Variants in WNT8B observed in about 807,000 individuals in gnomAD.
WNT8B encodes protein Wnt-8b.
WNT8B carries 24 observed loss-of-function variants against 36.6 expected under a neutral mutation model. That is an observed-to-expected ratio of 0.66 (90% CI 0.48 to 0.92). The LOEUF is 0.92. Among genes scored for constraint, WNT8B ranks in the 40% least tolerant of loss-of-function variants. The pLI is 0.00. For synonymous variants in WNT8B, 199 were observed against 189.8 expected (o/e 1.05, Z -0.40); for missense variants, 402 against 470.8 (o/e 0.85, Z 1.35).
Position 100,479,930 on chromosome 10 carries a change from A to T in WNT8B, c.159A>T (p.Glu53Asp). 1 of 1,613,998 alleles carries T rather than the reference A, an allele frequency of 6.2e-7. No homozygotes were observed. Among genetic ancestry groups the T allele is most frequent in the Non-Finnish European group, 8.5e-7 (1 of 1,179,940 alleles). ...VAAGAQSGIE[E>D]CKYQFAWDRW... ...CTGGTGCCCAGAGTGGTATTGAAGAATGCAAGTATCAGTTTGCCTGGGACC... is the reference window on the plus strand; with the variant it reads ...CTGGTGCCCAGAGTGGTATTGAAGATTGCAAGTATCAGTTTGCCTGGGACC... Residue 53 changes from glutamate (E) to aspartate (D), a missense_variant, in exon 3 of 6, where the codon GAA (glutamate) becomes GAT (aspartate). Glu to Asp is a conservative substitution (Grantham distance 45, BLOSUM62 2). Coordinates refer to ENST00000343737, the MANE Select transcript of WNT8B (RefSeq NM_003393.4).
chr10:100,482,881 T>G lies in WNT8B; in HGVS notation c.*65T>G, dbSNP rs1294019607. 2 of 1,425,418 alleles carry G rather than the reference T, an allele frequency of 1.4e-6. No individual in the cohort carries two copies. Among genetic ancestry groups the G allele is most frequent in the East Asian group, 2.6e-5 (1 of 38,418 alleles). 88.3% of individuals were successfully genotyped at this position (1,425,418 alleles called of 1,614,324 possible). A position where few individuals can be genotyped will look rare whatever the true frequency, so the allele number is the denominator to read the frequency against. On this transcript the variant is annotated 3_prime_UTR_variant, in exon 6 of 6. Coordinates refer to ENST00000343737, the MANE Select transcript of WNT8B (RefSeq NM_003393.4). The surrounding 1 kb of genome is among the most constrained non-coding windows in gnomAD (Gnocchi z 6.6). ...CTTCCTTTAGAGACCCCGGTAATTG[T>G]GGAACCTAGGGAATGGGGAACCCGC... is the stretch of plus-strand genomic sequence containing the variant.
intron 1 of WNT8B, among the ~76,000 whole-genome samples, chr10:100,472,999 C>T (rs1271345009): frequency 6.6e-6 from 1 of 152,188 alleles, no homozygotes; most frequent in Non-Finnish European, 1.5e-5. Context: ...TCTTTTTCTC[C>T]TTACATTTTC....
Position 100,482,440 on chromosome 10 carries a change from G to A in WNT8B, c.680G>A (p.Ser227Asn). The A allele has an allele frequency of 3.1e-6, 5 of 1,605,862 alleles. No homozygotes were observed. Among genetic ancestry groups the A allele is most frequent in the Non-Finnish European group, 4.2e-6 (5 of 1,179,874 alleles). Reference protein sequence around the residue: ...KVDLLQGAGNSAAGRGAIADT... With the variant: ...KVDLLQGAGNNAAGRGAIADT... Reference sequence around the variant, plus strand: ...GACCTGCTGCAGGGTGCTGGCAACAGCGCGGCCGGCCGCGGCGCCATCGCC... The same window carrying A: ...GACCTGCTGCAGGGTGCTGGCAACAACGCGGCCGGCCGCGGCGCCATCGCC... Residue 227 changes from serine to asparagine, a missense_variant, in exon 6 of 6, where the codon AGC becomes AAC. By Grantham distance (46) the Ser-to-Asn change is conservative. Transcript: ENST00000343737. The surrounding 1 kb of genome is among the most constrained non-coding windows in gnomAD (Gnocchi z 6.6).
At chr10:100,481,851 C>A in intron 4 of WNT8B, 61 bp from the exon 5 acceptor site, 2 of 1,598,150 alleles carry the variant, frequency 1.3e-6, no homozygotes, top group Non-Finnish European at 8.5e-7. Context: ...TTAGAAACAG[C>A]AGCCCAGGAG....
At position 100,482,732 on chromosome 10, in the gene WNT8B, C is replaced by A. The variant is rs1343385909; in HGVS notation, c.972C>A (p.Cys324Ter). ...HWCCAVRCEQCRRRVTKYFCS... is the reference protein window; with the variant it reads ...HWCCAVRCEQ ...GCTGCGCAGTCCGCTGCGAGCAGTG[C>A]CGCCGGAGGGTCACCAAGTACTTCT... Residue 324 changes from cysteine to a stop codon, truncating the protein, a stop_gained, in exon 6 of 6, where the codon TGC becomes TGA. Transcript: ENST00000343737. LOFTEE classifies it high-confidence loss of function. This position sits in a 1 kb window ranked among gnomAD's most constrained non-coding sequence, Gnocchi z 6.6. The A allele has an allele frequency of 1.2e-6, 2 of 1,606,442 alleles. No homozygotes were observed. The highest frequency in any genetic ancestry group is 1.7e-5 in the Admixed American group (1 of 59,522).
At chr10:100,465,366 CATG>C (rs2133648569) in intron 1 of WNT8B, among the ~76,000 whole-genome samples, 1 of 152,162 alleles carries the variant, frequency 6.6e-6, no homozygotes, top group East Asian at 1.9e-4. Context: ...AATGAGAATG[CATG>C]ATAAGCCAAG....
chr10:100,473,780 G>A (rs1379083122), intron 1 of WNT8B, among the ~76,000 whole-genome samples: 1 of 152,188 alleles, frequency 6.6e-6, no homozygotes, highest in African/African-American at 2.4e-5. Flanking sequence ...ACAAACATTA[G>A]CTGGACATGG....
At chr10:100,476,779 T>C (rs1157840988) in intron 1 of WNT8B, among the ~76,000 whole-genome samples, 2 of 152,156 alleles carry the variant, frequency 1.3e-5, no homozygotes, top group African/African-American at 4.8e-5. Context: ...AATTATGGAG[T>C]TGCAAGACAT....
chr10:100,470,943 G>A (rs755517647), intron 1 of WNT8B, among the ~76,000 whole-genome samples: 2 of 152,078 alleles, frequency 1.3e-5, no homozygotes, highest in East Asian at 1.9e-4. Context: ...GGGTTTCACC[G>A]TGTTAGCCAG....
intron 1 of WNT8B, among the ~76,000 whole-genome samples, chr10:100,476,797 G>A (rs1018656134): frequency 1.3e-5 from 2 of 152,116 alleles, no homozygotes; most frequent in African/African-American, 4.8e-5. Flanking sequence ...CATGTACAGG[G>A]AAGAAACGTA....
chr10:100,465,895 T>G (rs1850902910), intron 1 of WNT8B, among the ~76,000 whole-genome samples: 1 of 152,152 alleles, frequency 6.6e-6, no homozygotes, highest in Admixed American at 6.6e-5. Flanking sequence ...AGGAAGGTCT[T>G]TGAATCCATA....
intron 1 of WNT8B, among the ~76,000 whole-genome samples, chr10:100,470,297 G>A (rs1279218578): frequency 6.6e-6 from 1 of 152,078 alleles, no homozygotes; most frequent in Non-Finnish European, 1.5e-5. Context: ...GCTAAGTTTT[G>A]TATTTTTTGT....
chr10:100,463,345 T>C, intron 1 of WNT8B, 109 bp downstream of exon 1: 1 of 1,081,852 alleles, frequency 9.2e-7, no homozygotes, highest in Non-Finnish European at 1.3e-6. Context: ...ATAGCTCTCC[T>C]AGGAAAAACT....
In WNT8B at chr10:100,463,198, C is replaced by A. The variant is rs1466862811; in HGVS notation, c.30C>A (p.Ile10=). Reference sequence around the variant, plus strand: ...TTCTTTCAAAGCCTTCTGTGTACATCTGTCTTTTCACCTGTGTCCTCCAAC... The same window carrying A: ...TTCTTTCAAAGCCTTCTGTGTACATATGTCTTTTCACCTGTGTCCTCCAAC... MFLSKPSVY[I]CLFTCVLQLS... Residue 10 remains isoleucine, a synonymous_variant, in exon 1 of 6, where the codon ATC becomes ATA. Coordinates refer to ENST00000343737, the MANE Select transcript of WNT8B (RefSeq NM_003393.4). 1 of 1,613,922 alleles carries A rather than the reference C, an allele frequency of 6.2e-7. No individual in the cohort carries two copies. The highest frequency in any genetic ancestry group is 8.5e-7 in the Non-Finnish European group (1 of 1,179,962).
At chr10:100,478,974 T>A in intron 1 of WNT8B, 78 bp from the exon 2 acceptor site, 1 of 1,300,666 alleles carries the variant, frequency 7.7e-7, no homozygotes, top group Non-Finnish European at 1.1e-6. Context: ...GCTGAAGTAA[T>A]TCTTACCACT....
intron 1 of WNT8B, among the ~76,000 whole-genome samples, chr10:100,464,539 A>AT (rs1486159401): frequency 1.3e-5 from 2 of 152,204 alleles, no homozygotes; most frequent in Admixed American, 6.5e-5. Context: ...GAATTGTTCT[A>AT]TAAAAAATAC....
Position 100,482,083 on chromosome 10 carries a change from A to AGC in WNT8B, c.510+30_510+31dup. 6.2e-7 allele frequency: 1 copy of AGC among 1,613,562 alleles called. No individual in the cohort carries two copies. Among genetic ancestry groups the AGC allele is most frequent in the Non-Finnish European group, 8.5e-7 (1 of 1,179,596 alleles). ...AGTCCCGCAGCCCTTGGAAATAGGC[A>AGC]GCTGCTGGCTATATCCACTACCAGC... is the stretch of plus-strand genomic sequence containing the variant. On this transcript the variant is annotated intron_variant, in intron 5 of 5. Transcript: ENST00000343737. The surrounding 1 kb of genome is among the most constrained non-coding windows in gnomAD (Gnocchi z 6.6).
intron 1 of WNT8B, among the ~76,000 whole-genome samples, chr10:100,469,512 G>C (rs1254985037): frequency 1.3e-5 from 2 of 152,164 alleles, no homozygotes; most frequent in African/African-American, 4.8e-5. Context: ...CTTTGGAATA[G>C]GTAAGAATTA....
rs6584381 is a variant in WNT8B, at chr10:100,477,520, C to T, written c.69-1532C>T. Among the ~76,000 whole-genome samples the T allele has an allele frequency of 3.5e-3, 538 of 152,140 alleles. 2 individuals are homozygous for T. The highest frequency in any genetic ancestry group is 0.012 in the African/African-American group (499 of 41,512). On this transcript the variant is annotated intron_variant, in intron 1 of 5. Coordinates refer to ENST00000343737, the MANE Select transcript of WNT8B (RefSeq NM_003393.4). ...TTCACCATGTTAGCCAGGATGGTCTCGATCTCCTGACCTCATGATCTGCCT... is the reference window on the plus strand; with the variant it reads ...TTCACCATGTTAGCCAGGATGGTCTTGATCTCCTGACCTCATGATCTGCCT...
Sources: gnomAD v4.1 joint callset for allele counts (sites outside exome capture counted in the v4.1 genomes callset) on GRCh38, gnomAD v4.1.1 for gene constraint, Gnocchi (gnomAD v3.1) non-coding constraint, MANE v1.5 for transcripts, NCBI Gene and HGNC (gene_info 2026-07-23, HGNC 2026-07-21) for gene names.